CEP85L: variants seen among roughly 807,000 people sequenced by gnomAD.
CEP85L encodes the protein centrosomal protein 85L, also known as centrosomal protein of 85 kDa-like.
CEP85L carries 60 observed loss-of-function variants against 100.3 expected under a neutral mutation model. That is an observed-to-expected ratio of 0.60 (90% CI 0.49 to 0.74). The LOEUF (loss-of-function observed/expected upper bound fraction) is 0.74, where lower values mean the gene tolerates loss of function less well. Among genes scored for constraint, CEP85L ranks in the 30% least tolerant of loss-of-function variants. CEP85L has a pLI of 0.00. For missense variants in CEP85L, 973 were observed against 936.2 expected, an observed-to-expected ratio of 1.04 and a Z score of -0.51; for synonymous variants, 319 against 322.7, an observed-to-expected ratio of 0.99 and a Z score of 0.12.
chr6:118,674,504 G>T (rs529975939), intron 1 of CEP85L, among the ~76,000 whole-genome samples: 1 of 150,356 alleles, frequency 6.7e-6, no homozygotes, highest in South Asian at 2.1e-4. Context: ...AGCCTGGGCG[G>T]CAGGGTAAGA....
chr6:118,578,735 AT>A (rs1283240789), intron 2 of CEP85L, among the ~76,000 whole-genome samples: 2 of 152,216 alleles, frequency 1.3e-5, no homozygotes, highest in African/African-American at 4.8e-5. Flanking sequence ...CTCAAAAAAA[AT>A]AAATAAATAA....
chr6:118,528,156 T>TA (rs973784930), intron 3 of CEP85L, among the ~76,000 whole-genome samples: 4 of 151,212 alleles, frequency 2.6e-5, no homozygotes, highest in African/African-American at 9.7e-5. Context: ...AGTCATCTGC[T>TA]AAAAAAAATT....
intron 10 of CEP85L, among the ~76,000 whole-genome samples, chr6:118,473,244 A>C (rs1773099209): frequency 6.6e-6 from 1 of 152,318 alleles, no homozygotes; most frequent in East Asian, 1.9e-4. Context: ...CAAAAGAAAT[A>C]AAATAAATAT....
intron 2 of CEP85L, among the ~76,000 whole-genome samples, chr6:118,623,775 A>C (rs776375699): frequency 6.6e-6 from 1 of 152,218 alleles, no homozygotes; most frequent in Non-Finnish European, 1.5e-5. Flanking sequence ...TCAAAGATAT[A>C]ATAACTTCTC....
Position 118,479,939 on chromosome 6 carries a change from C to T in CEP85L, c.1864-18G>A, listed in dbSNP as rs1404376046. ...TCTATTATCTAAAACAAAATAAATA[C>T]ATCTGATTCAAATAATTTTTACATC... On this transcript the variant is annotated intron_variant, in intron 9 of 12. Coordinates refer to ENST00000368491, the MANE Select transcript of CEP85L (RefSeq NM_001042475.3). 2 of 1,272,488 alleles carry T rather than the reference C, an allele frequency of 1.6e-6. No homozygotes were observed. The highest frequency in any genetic ancestry group is 2.5e-5 in the East Asian group (1 of 39,674). The allele number at this position is 1,272,488 out of a possible 1,614,324, so 78.8% of individuals were successfully genotyped here.
intron 1 of CEP85L, among the ~76,000 whole-genome samples, chr6:118,635,720 T>G (rs1285714149): frequency 6.6e-6 from 1 of 152,188 alleles, no homozygotes; most frequent in Non-Finnish European, 1.5e-5. Flanking sequence ...TTGAGCAGTA[T>G]AAAGTCATGC....
intron 2 of CEP85L, among the ~76,000 whole-genome samples, chr6:118,609,958 C>T (rs1772499186): frequency 6.6e-6 from 1 of 151,020 alleles, no homozygotes; most frequent in Non-Finnish European, 1.5e-5. Flanking sequence ...TCAGATAAGT[C>T]AGGAAACATT....
At chr6:118,664,922 G>A (rs537881607) in intron 1 of CEP85L, among the ~76,000 whole-genome samples, 3 of 152,086 alleles carry the variant, frequency 2.0e-5, no homozygotes, top group East Asian at 3.9e-4. Context: ...GTTGATTAAC[G>A]AAATAATTTA....
In CEP85L at chr6:118,612,376, G is replaced by A. The variant is rs1373561272; in HGVS notation, c.232+20077C>T. Among the ~76,000 whole-genome samples, 5 of 151,910 alleles carry A rather than the reference G, an allele frequency of 3.3e-5. No homozygotes were observed. The East Asian group carries it at 5.8e-4, about 18-fold the overall frequency. On this transcript the variant is annotated intron_variant, in intron 2 of 12. Coordinates refer to ENST00000368491, the MANE Select transcript of CEP85L (RefSeq NM_001042475.3). ...ATAGCATATTTTAAAAGTGGCAAAC[G>A]GCCAGGTGCGGTGGCTCACACCTAT...
intron 1 of CEP85L, among the ~76,000 whole-genome samples, chr6:118,640,652 G>A (rs1049092766): frequency 2.0e-5 from 3 of 152,070 alleles, no homozygotes; most frequent in African/African-American, 7.2e-5. Flanking sequence ...AGCCTCCCAA[G>A]TTGTGCGGAT....
upstream of CEP85L, chr6:118,710,085 G>T (rs1278541728): frequency 6.6e-6 from 1 of 152,160 alleles, no homozygotes; most frequent in Admixed American, 6.5e-5. Flanking sequence ...CAGGAAATGG[G>T]TATGTGGGGG....
chr6:118,546,384 G>T (rs1778204383), intron 3 of CEP85L, among the ~76,000 whole-genome samples: 1 of 152,088 alleles, frequency 6.6e-6, no homozygotes, highest in Non-Finnish European at 1.5e-5. Context: ...GTCTACGGCA[G>T]CTTCTTGGTT....
chr6:118,488,464 G>A (rs1391492997), intron 6 of CEP85L, among the ~76,000 whole-genome samples: 1 of 151,812 alleles, frequency 6.6e-6, no homozygotes, highest in Non-Finnish European at 1.5e-5. Context: ...TCAAACACAG[G>A]TATTTGGAAA....
chr6:118,645,519 A>T (rs1775121012), intron 1 of CEP85L, among the ~76,000 whole-genome samples: 1 of 152,062 alleles, frequency 6.6e-6, no homozygotes, highest in Admixed American at 6.5e-5. Flanking sequence ...AAAATACAAA[A>T]ATTAGCCAGC....
chr6:118,653,181 A>G (rs1326730294), upstream of CEP85L, among the ~76,000 whole-genome samples: 2 of 152,226 alleles, frequency 1.3e-5, no homozygotes, highest in Non-Finnish European at 2.9e-5. Context: ...CTTTTTATCA[A>G]TATAAAGGGC....
intron 5 of CEP85L, among the ~76,000 whole-genome samples, chr6:118,508,662 G>A (rs1046800263): frequency 6.6e-6 from 1 of 151,942 alleles, no homozygotes. Flanking sequence ...CTTATTAAGA[G>A]TATGTTTTCC....
intron 5 of CEP85L, among the ~76,000 whole-genome samples, chr6:118,510,050 A>G (rs1336061802): frequency 6.6e-6 from 1 of 152,110 alleles, no homozygotes; most frequent in Non-Finnish European, 1.5e-5. Flanking sequence ...TAAATTTAGA[A>G]GGAATAGACA....
At chr6:118,624,994 G>GT (rs1254429402) in intron 2 of CEP85L, among the ~76,000 whole-genome samples, 2 of 152,208 alleles carry the variant, frequency 1.3e-5, no homozygotes, top group Non-Finnish European at 2.9e-5. Context: ...ACTACTGGAT[G>GT]TGTCTTCCCT....
intron 3 of CEP85L, among the ~76,000 whole-genome samples, chr6:118,535,987 A>G (rs976375671): frequency 3.3e-5 from 5 of 152,160 alleles, no homozygotes; most frequent in Admixed American, 1.3e-4. Context: ...TTATACTTCA[A>G]TTATCATATT....
Sources: gnomAD v4.1 joint callset for allele counts (sites outside exome capture counted in the v4.1 genomes callset) on GRCh38, gnomAD v4.1.1 for gene constraint, MANE v1.5 for transcripts, NCBI Gene and HGNC (gene_info 2026-07-23, HGNC 2026-07-21) for gene names.